Variants in EIF5A2 observed in about 807,000 individuals in gnomAD.
EIF5A2 encodes the protein eukaryotic translation initiation factor 5A-2.
In EIF5A2, 15 loss-of-function variants were observed where a neutral mutation model predicts 16.4. That is an observed-to-expected ratio of 0.92 (90% CI 0.61 to 1.41). The LOEUF is 1.41. EIF5A2 is among the 40% of genes most tolerant of loss of function. The probability of loss-of-function intolerance (pLI) is 0.00; values close to 1 mark genes in which losing one functional copy is unlikely to be tolerated. For missense variants in EIF5A2, 144 were observed against 189.5 expected, an observed-to-expected ratio of 0.76 and a Z score of 1.41; for synonymous variants, 48 against 61.1, an observed-to-expected ratio of 0.79 and a Z score of 1.00.
chr3:170,899,937 T>C (rs1180911577), intron 3 of EIF5A2, among the ~76,000 whole-genome samples: 5 of 151,984 alleles, frequency 3.3e-5, no homozygotes, highest in Non-Finnish European at 7.4e-5. Flanking sequence ...TTGAACATTT[T>C]TTTTTTTGGT....
rs772460173 is a variant in EIF5A2, at chr3:170,893,081, A to ACAT, written c.*276_*278dup. ...CAGGAATGATTTGCTCAGACAAATC[A>ACAT]CATCTGCTGAAGCTATCTTGTTTGT... On this transcript the variant is annotated 3_prime_UTR_variant, in exon 5 of 5. Transcript: ENST00000295822. 1.6e-5 allele frequency: 7 copies of ACAT among 437,932 alleles called. No individual in the cohort carries two copies. The highest frequency in any genetic ancestry group is 2.4e-5 in the Non-Finnish European group (6 of 250,460). 27.1% of individuals were successfully genotyped at this position (437,932 alleles called of 1,614,324 possible). A position where few individuals can be genotyped will look rare whatever the true frequency, so the allele number is the denominator to read the frequency against.
intron 3 of EIF5A2, among the ~76,000 whole-genome samples, chr3:170,904,290 G>A (rs1011992376): frequency 3.9e-5 from 6 of 152,166 alleles, no homozygotes; most frequent in Admixed American, 2.0e-4. Context: ...ATATTAATAC[G>A]TTTTGTTTCC....
chr3:170,894,569 T>C, intron 3 of EIF5A2, 146 bp from the exon 4 acceptor site: 1 of 617,074 alleles, frequency 1.6e-6, no homozygotes, highest in South Asian at 3.7e-5. Flanking sequence ...GCTAAAAATA[T>C]AAAAAATATA....
chr3:170,894,230 C>G, intron 4 of EIF5A2, 62 bp downstream of exon 4: 1 of 1,554,084 alleles, frequency 6.4e-7, no homozygotes, highest in African/African-American at 1.4e-5. Flanking sequence ...TTTATGTTAA[C>G]TAGTTGAGGT....
In EIF5A2 at chr3:170,894,416, C is replaced by CAT; in HGVS notation, c.276_277dup (p.Cys93TyrfsTer11). 2 of 1,613,774 alleles carry CAT rather than the reference C, an allele frequency of 1.2e-6. No individual in the cohort carries two copies. Among genetic ancestry groups the CAT allele is most frequent in the Non-Finnish European group, 1.7e-6 (2 of 1,179,842 alleles). On this transcript the variant is annotated frameshift_variant, in exon 4 of 5. Transcript: ENST00000295822. LOFTEE classifies it high-confidence loss of function. ...CAGGGAAAGGTAACCATCTTGAATG[C>CAT]ATATCAGCTATTAGAAGAAATTATA... is the stretch of plus-strand genomic sequence containing the variant.
intron 3 of EIF5A2, among the ~76,000 whole-genome samples, chr3:170,896,805 G>C (rs1339299875): frequency 6.6e-6 from 1 of 152,220 alleles, no homozygotes; most frequent in Non-Finnish European, 1.5e-5. Context: ...GGCAGAGACT[G>C]CAACAGTTTA....
chr3:170,904,868 T>G (rs1252753730), intron 3 of EIF5A2, among the ~76,000 whole-genome samples: 1 of 152,228 alleles, frequency 6.6e-6, no homozygotes, highest in East Asian at 1.9e-4. Context: ...GGCGTTATTA[T>G]TTATGTCTCT....
At chr3:170,899,819 G>A (rs1553776539) in intron 3 of EIF5A2, among the ~76,000 whole-genome samples, 3 of 151,910 alleles carry the variant, frequency 2.0e-5, no homozygotes, top group Non-Finnish European at 4.4e-5. Flanking sequence ...AGGCCTCTCT[G>A]ACTCCATAGA....
rs748111786 is a variant in EIF5A2, at chr3:170,895,025, C to CAAA, written c.271-605_271-603dup. Among the ~76,000 whole-genome samples the CAAA allele has an allele frequency of 5.1e-3, 302 of 59,772 alleles. 6 individuals carry two copies. Among genetic ancestry groups the CAAA allele is most frequent in the African/African-American group, 0.013 (214 of 16,304 alleles). 39.2% of individuals were successfully genotyped at this position (59,772 alleles called of 152,430 possible). ...TGGGCGACAGAGCGAGACTCTGTCTCAAAAAAAAAAAAAAAAAAAAAAGAG... is the reference window on the plus strand; with the variant it reads ...TGGGCGACAGAGCGAGACTCTGTCTCAAAAAAAAAAAAAAAAAAAAAAAAAGAG... On this transcript the variant is annotated intron_variant, in intron 3 of 4. Transcript: ENST00000295822.
At chr3:170,894,782 T>G (rs1485575953) in intron 3 of EIF5A2, among the ~76,000 whole-genome samples, 1 of 151,064 alleles carries the variant, frequency 6.6e-6, no homozygotes, top group Non-Finnish European at 1.5e-5. Context: ...ATCCCAGCAC[T>G]TTGGGAGGCC....
rs1712546969 is a variant in EIF5A2 at position 170,892,030 on chromosome 3, T to C, written c.*1330A>G. 1 of 152,566 alleles carries C rather than the reference T, an allele frequency of 6.6e-6. No homozygotes were observed. Among genetic ancestry groups the C allele is most frequent in the South Asian group, 2.1e-4 (1 of 4,834 alleles). The allele number at this position is 152,566 out of a possible 1,614,324, so 9.5% of individuals were successfully genotyped here. ...TTCCATGATTCACTTTAATTCACTT[T>C]AGGAAAAAAAGGACATAAAATTAAC... On this transcript the variant is annotated 3_prime_UTR_variant, in exon 5 of 5. Coordinates refer to ENST00000295822, the MANE Select transcript of EIF5A2 (RefSeq NM_020390.6).
intron 3 of EIF5A2, among the ~76,000 whole-genome samples, chr3:170,898,953 A>G (rs1036428811): frequency 6.6e-6 from 1 of 152,088 alleles, no homozygotes; most frequent in Non-Finnish European, 1.5e-5. Flanking sequence ...CTTTTCAGCA[A>G]TTAAAACTTC....
At chr3:170,896,467 T>C (rs372219891) in intron 3 of EIF5A2, among the ~76,000 whole-genome samples, 2 of 152,172 alleles carry the variant, frequency 1.3e-5, no homozygotes, top group Admixed American at 6.5e-5. Context: ...AATTGGATCA[T>C]GGGGTCAGTC....
At chr3:170,906,763 T>C (rs1436054042) in intron 3 of EIF5A2, among the ~76,000 whole-genome samples, 2 of 152,202 alleles carry the variant, frequency 1.3e-5, no homozygotes, top group Non-Finnish European at 2.9e-5. Context: ...TATTTGACTT[T>C]TTAAAAAATG....
chr3:170,898,510 T>C (rs564596821), intron 3 of EIF5A2, among the ~76,000 whole-genome samples: 22 of 152,278 alleles, frequency 1.4e-4, no homozygotes, highest in African/African-American at 5.3e-4. Context: ...CCCCCCTGCT[T>C]GCTGTCTCTC....
chr3:170,892,610 T>C lies in EIF5A2; in HGVS notation c.*750A>G. On this transcript the variant is annotated 3_prime_UTR_variant, in exon 5 of 5. Coordinates refer to ENST00000295822, the MANE Select transcript of EIF5A2 (RefSeq NM_020390.6). The stretch of plus-strand genomic sequence containing the variant: ...GAGAAACAACTTTTCATTTTTATGC[T>C]GACTTACAAAGTCCTCACATAAAAA... 2.5e-6 allele frequency: 1 copy of C among 396,498 alleles called. No individual in the cohort carries two copies. Among genetic ancestry groups the C allele is most frequent in the Non-Finnish European group, 4.4e-6 (1 of 225,262 alleles). The allele number at this position is 396,498 out of a possible 1,614,324, so 24.6% of individuals were successfully genotyped here.
rs528153640 is a variant in EIF5A2, at chr3:170,893,783, G to A, written c.403-364C>T. ...CGCCTTGCTCAGGCCTGTAATCCCA[G>A]CACTTTTGGGAGGCCAAGGTTGGGG... On this transcript the variant is annotated intron_variant, in intron 4 of 4. Coordinates refer to ENST00000295822, the MANE Select transcript of EIF5A2 (RefSeq NM_020390.6). Among the ~76,000 whole-genome samples the A allele has an allele frequency of 2.0e-5, 3 of 152,332 alleles. No homozygotes were observed. In the South Asian group the frequency reaches 6.2e-4, roughly 32 times the overall value.
chr3:170,904,402 A>G (rs779605964), intron 3 of EIF5A2, among the ~76,000 whole-genome samples: 2 of 152,266 alleles, frequency 1.3e-5, no homozygotes, highest in Admixed American at 6.5e-5. Context: ...ATAAAGGATT[A>G]CACACGCCAA....
In EIF5A2 at chr3:170,892,718, A is replaced by C; in HGVS notation, c.*642T>G. 2.5e-6 allele frequency: 1 copy of C among 398,550 alleles called. No homozygotes were observed. The highest frequency in any genetic ancestry group is 4.4e-6 in the Non-Finnish European group (1 of 226,016). The allele number at this position is 398,550 out of a possible 1,614,324, so 24.7% of individuals were successfully genotyped here. On this transcript the variant is annotated 3_prime_UTR_variant, in exon 5 of 5. Coordinates refer to ENST00000295822, the MANE Select transcript of EIF5A2 (RefSeq NM_020390.6). ...ACTTGCTAACTAACTTTCACCCAAC[A>C]GTTCAGTGCCCTTCTGCCAACCATA...
Sources: gnomAD v4.1 joint callset for allele counts (sites outside exome capture counted in the v4.1 genomes callset) on GRCh38, gnomAD v4.1.1 for gene constraint, MANE v1.5 for transcripts, NCBI Gene and HGNC (gene_info 2026-07-23, HGNC 2026-07-21) for gene names.